Variants in ZMYND8 observed in about 807,000 individuals in gnomAD.
ZMYND8 encodes the protein MYND-type zinc finger-containing chromatin reader ZMYND8.
ZMYND8 carries 37 observed loss-of-function variants against 140.8 expected under a neutral mutation model. The observed-to-expected ratio is 0.26, with a 90% CI of 0.20 to 0.35. ZMYND8 has a LOEUF of 0.35. Ranked by LOEUF, ZMYND8 falls within the 10% of genes least tolerant of loss-of-function variation. The pLI is 1.00. For synonymous variants in ZMYND8, 592 were observed against 597.1 expected (o/e 0.99, Z 0.12); for missense variants, 1,068 against 1,570.0 (o/e 0.68, Z 5.40).
chr20:47,221,356 T>G lies in ZMYND8; in HGVS notation c.3375A>C (p.Lys1125Asn). ...SAPSETASAS[K>N]EKETSAEKSK... ...TTTTCTCAGCTGACGTCTCCTTCTC[T>G]TTGGAGGCGCTGGCCGTTTCTGAAG... The change falls in exon 20 of 23, where the codon AAA (lysine) becomes AAC (asparagine). Residue 1125 changes from lysine to asparagine, a missense_variant. Lys to Asn is a moderately conservative substitution (Grantham distance 94). Around this residue, in one of 10 missense-constraint regions of ZMYND8, gnomAD observed 180 missense variants for 187.8 expected, o/e 0.96. Coordinates refer to ENST00000471951, the MANE Select transcript of ZMYND8 (RefSeq NM_001281775.3). The G allele has an allele frequency of 6.2e-7, 1 of 1,614,180 alleles. No individual in the cohort carries two copies. Among genetic ancestry groups the G allele is most frequent in the South Asian group, 1.1e-5 (1 of 91,084 alleles).
In ZMYND8 at chr20:47,318,058, G is replaced by A. The variant is rs181335555; in HGVS notation, c.86-7854C>T. ...CTTGCTTCTCTTCCACCTCCTCCCC[G>A]ACTACCGCCCCCCACTCCAAAAACA... On this transcript the variant is annotated intron_variant, in intron 2 of 22. Transcript: ENST00000471951. Among the ~76,000 whole-genome samples, 490 of 151,126 alleles carry A rather than the reference G, an allele frequency of 3.2e-3. 3 individuals carry two copies. The highest frequency in any genetic ancestry group is 0.012 in the African/African-American group (479 of 41,076).
At chr20:47,276,915 A>T in intron 10 of ZMYND8, 120 bp from the exon 11 acceptor site, 1 of 1,003,490 alleles carries the variant, frequency 1.0e-6, no homozygotes, top group African/African-American at 1.7e-5. Context: ...TCTATTAAAA[A>T]AAAAAAAAAA....
intron 16 of ZMYND8, among the ~76,000 whole-genome samples, chr20:47,233,998 A>T (rs1183706732): frequency 6.6e-6 from 1 of 152,174 alleles, no homozygotes; most frequent in Non-Finnish European, 1.5e-5. Context: ...ATGAGGTGTC[A>T]CTTCTGTGAC....
Position 47,276,574 on chromosome 20 carries a change from C to A in ZMYND8, c.1220G>T (p.Gly407Val). 1 of 1,613,838 alleles carries A rather than the reference C, an allele frequency of 6.2e-7. No individual in the cohort carries two copies. Among genetic ancestry groups the A allele is most frequent in the Non-Finnish European group, 8.5e-7 (1 of 1,180,010 alleles). The change falls in exon 11 of 23, where the codon GGC (glycine) becomes GTC (valine). Residue 407 changes from glycine (G) to valine (V), a missense_variant. Physicochemically the swap from Gly to Val is moderately radical, Grantham distance 109 (BLOSUM62 -3). Coordinates refer to ENST00000471951, the MANE Select transcript of ZMYND8 (RefSeq NM_001281775.3). ...CTCCTGCTTGTCTATCTTGGCAGTG[C>A]CGGCGCTGGGGTTGGTGGGATCGAG... The part of the protein sequence containing the change: ...MLLDPTNPSA[G>V]TAKIDKQEKV...
At chr20:47,321,965 ATCC>A (rs2148361336) in intron 2 of ZMYND8, among the ~76,000 whole-genome samples, 1 of 148,134 alleles carries the variant, frequency 6.8e-6, no homozygotes, top group South Asian at 2.1e-4. Flanking sequence ...GGCTCAGGAG[ATCC>A]TCCTGTCTCA....
intron 2 of ZMYND8, among the ~76,000 whole-genome samples, chr20:47,345,150 T>TTA (rs1018112741): frequency 1.3e-5 from 2 of 151,996 alleles, no homozygotes; most frequent in African/African-American, 4.8e-5. Flanking sequence ...ACGTTGTCTT[T>TTA]TATATATATA....
intron 13 of ZMYND8, among the ~76,000 whole-genome samples, chr20:47,247,310 C>T (rs970323547): frequency 2.0e-5 from 3 of 152,318 alleles, no homozygotes; most frequent in Non-Finnish European, 2.9e-5. Flanking sequence ...CTCCTCTAGG[C>T]GGGGGACACA....
chr20:47,219,562 G>A (rs921394432), intron 21 of ZMYND8, among the ~76,000 whole-genome samples: 1 of 151,624 alleles, frequency 6.6e-6, no homozygotes, highest in Middle Eastern at 3.4e-3. Context: ...GAAAGGTCCT[G>A]GAGCTGTGGT....
chr20:47,348,034 A>C, intron 1 of ZMYND8, 108 bp from the exon 2 acceptor site: 1 of 1,057,536 alleles, frequency 9.5e-7, no homozygotes, highest in Non-Finnish European at 1.4e-6. Flanking sequence ...ACATTCCCTC[A>C]TCCTTATCCA....
intron 2 of ZMYND8, among the ~76,000 whole-genome samples, chr20:47,329,423 A>C (rs1227802074): frequency 6.6e-6 from 1 of 151,128 alleles, no homozygotes; most frequent in Non-Finnish European, 1.5e-5. Flanking sequence ...TTTTTTTTGG[A>C]GATGGAGTTT....
intron 8 of ZMYND8, among the ~76,000 whole-genome samples, chr20:47,285,019 T>C (rs76628119): frequency 0.011 from 1,620 of 152,280 alleles, 20 homozygotes; most frequent in African/African-American, 0.037. Context: ...ACTGAAGACT[T>C]AGAGTGTGCT....
At chr20:47,254,653 G>A (rs2074447218) in intron 12 of ZMYND8, among the ~76,000 whole-genome samples, 1 of 152,028 alleles carries the variant, frequency 6.6e-6, no homozygotes, top group Non-Finnish European at 1.5e-5. Flanking sequence ...TCGCTGGGAA[G>A]GCTATATATT....
rs191201968 is a variant in ZMYND8 at position 47,345,963 on chromosome 20, C to A, written c.85+1893G>T. ...ATGCGCCACTGTGCCTGACCCCAAT[C>A]CACGTTTTTGAAGCGCATTCTGGCT... On this transcript the variant is annotated intron_variant, in intron 2 of 22. Coordinates refer to ENST00000471951, the MANE Select transcript of ZMYND8 (RefSeq NM_001281775.3). 2.0e-5 allele frequency among the ~76,000 whole-genome samples: 3 copies of A among 152,246 alleles called. No individual in the cohort carries two copies. In the East Asian group the frequency reaches 5.8e-4, roughly 29 times the overall value.
chr20:47,305,828 G>A (rs2078439495), intron 3 of ZMYND8, among the ~76,000 whole-genome samples: 1 of 152,174 alleles, frequency 6.6e-6, no homozygotes, highest in South Asian at 2.1e-4. Context: ...CAGGATGTTT[G>A]AACTCAAATG....
intron 2 of ZMYND8, among the ~76,000 whole-genome samples, chr20:47,339,471 C>T (rs1018007121): frequency 6.6e-6 from 1 of 152,144 alleles, no homozygotes; most frequent in Non-Finnish European, 1.5e-5. Flanking sequence ...AGCAGCCACC[C>T]TGTCCCAAGA....
At chr20:47,243,638 T>C (rs1220441805) in intron 14 of ZMYND8, among the ~76,000 whole-genome samples, 3 of 152,254 alleles carry the variant, frequency 2.0e-5, no homozygotes, top group Non-Finnish European at 4.4e-5. Context: ...CTTGCTATTC[T>C]ACCTTCATTT....
chr20:47,309,484 T>C (rs1214989125), intron 3 of ZMYND8, among the ~76,000 whole-genome samples: 5 of 152,140 alleles, frequency 3.3e-5, no homozygotes, highest in African/African-American at 1.2e-4. Flanking sequence ...TTTTTTTGTA[T>C]TTTTAGTAAA....
At chr20:47,246,991 G>A (rs1337402300) in intron 13 of ZMYND8, among the ~76,000 whole-genome samples, 3 of 152,114 alleles carry the variant, frequency 2.0e-5, no homozygotes, top group African/African-American at 7.2e-5. Flanking sequence ...CTCTTCCCTT[G>A]GGTTTCCAAA....
chr20:47,245,063 C>A (rs548001704), intron 14 of ZMYND8, among the ~76,000 whole-genome samples: 2 of 152,088 alleles, frequency 1.3e-5, no homozygotes, highest in East Asian at 3.9e-4. Context: ...GTCCGCCCCC[C>A]CTCCCCAAAA....
Sources: allele counts gnomAD v4.1 joint callset (sites outside exome capture counted in the v4.1 genomes callset), GRCh38; gene constraint gnomAD v4.1.1; regional missense constraint gnomAD v4.1.1; transcripts MANE v1.5; gene names NCBI Gene and HGNC (gene_info 2026-07-23, HGNC 2026-07-21).